Variants in OR9Q1 observed in about 807,000 individuals in gnomAD.
The protein encoded by OR9Q1 is olfactory receptor 9Q1.
For synonymous variants in OR9Q1, 153 were observed against 148.6 expected (o/e 1.03, Z -0.22); for missense variants, 374 against 378.8 (o/e 0.99, Z 0.11).
intron 2 of OR9Q1, among the ~76,000 whole-genome samples, chr11:58,137,567 C>A (rs1854201285): frequency 1.3e-5 from 2 of 152,146 alleles, no homozygotes; most frequent in Admixed American, 1.3e-4. Flanking sequence ...ATATGTAAAG[C>A]CACTAGAAAA....
At chr11:58,145,580 A>T (rs1229318169) in intron 2 of OR9Q1, among the ~76,000 whole-genome samples, 1 of 152,172 alleles carries the variant, frequency 6.6e-6, no homozygotes, top group Admixed American at 6.5e-5. Flanking sequence ...TGGCTTTATG[A>T]TGTAGAGCCA....
intron 2 of OR9Q1, among the ~76,000 whole-genome samples, chr11:58,061,818 T>C (rs1025024755): frequency 6.6e-6 from 1 of 152,238 alleles, no homozygotes; most frequent in Non-Finnish European, 1.5e-5. Context: ...ATGTTAAGCA[T>C]TGAGGTGCCA....
chr11:58,092,772 C>G (rs1362313838), intron 2 of OR9Q1, among the ~76,000 whole-genome samples: 1 of 152,114 alleles, frequency 6.6e-6, no homozygotes, highest in African/African-American at 2.4e-5. Flanking sequence ...TTATTTACCA[C>G]AATTTGTGAC....
At chr11:58,038,405 A>G (rs1184911160) in intron 1 of OR9Q1, among the ~76,000 whole-genome samples, 3 of 152,212 alleles carry the variant, frequency 2.0e-5, no homozygotes, top group East Asian at 1.9e-4. Flanking sequence ...CTTTGGGGAT[A>G]TATCTATTAT....
chr11:58,172,328 T>C (rs1854563395), intron 2 of OR9Q1, among the ~76,000 whole-genome samples: 1 of 152,150 alleles, frequency 6.6e-6, no homozygotes, highest in Admixed American at 6.5e-5. Flanking sequence ...GAAAGTTTTA[T>C]AGCAATCTTA....
chr11:58,056,878 G>A (rs1853333514), intron 2 of OR9Q1, among the ~76,000 whole-genome samples: 1 of 152,020 alleles, frequency 6.6e-6, no homozygotes, highest in Non-Finnish European at 1.5e-5. Context: ...TGTTCCATCA[G>A]TGGGGGCACC....
chr11:58,148,907 A>T (rs1854324518), intron 2 of OR9Q1, among the ~76,000 whole-genome samples: 1 of 152,130 alleles, frequency 6.6e-6, no homozygotes, highest in Non-Finnish European at 1.5e-5. Context: ...GACATTATAC[A>T]ATTCGTCCTT....
At chr11:58,114,017 A>C (rs1853927096) in intron 2 of OR9Q1, among the ~76,000 whole-genome samples, 2 of 152,158 alleles carry the variant, frequency 1.3e-5, no homozygotes, top group Admixed American at 1.3e-4. Context: ...TGCTGCTGTG[A>C]GAATCTGAAA....
intron 2 of OR9Q1, among the ~76,000 whole-genome samples, chr11:58,067,586 G>A (rs1033522693): frequency 2.0e-5 from 3 of 152,244 alleles, no homozygotes; most frequent in South Asian, 2.1e-4. Context: ...CCTGAGGGCA[G>A]TAAGAGGAGG....
intron 2 of OR9Q1, among the ~76,000 whole-genome samples, chr11:58,115,098 T>C (rs181559017): frequency 2.2e-4 from 33 of 152,314 alleles, no homozygotes; most frequent in Non-Finnish European, 4.0e-4. Flanking sequence ...TTGTACAGGA[T>C]ATTTAACTTT....
chr11:58,140,883 G>A (rs1854241392), intron 2 of OR9Q1, among the ~76,000 whole-genome samples: 1 of 152,184 alleles, frequency 6.6e-6, no homozygotes, highest in Admixed American at 6.5e-5. Context: ...TGGGCAGTAT[G>A]GCCATTTTCA....
rs540029586 is a variant in OR9Q1, at chr11:58,093,330, C to A, written c.-15+37383C>A. 2.1e-4 allele frequency among the ~76,000 whole-genome samples: 32 copies of A among 152,098 alleles called. 1 individual carries two copies. Among genetic ancestry groups the A allele is most frequent in the African/African-American group, 7.5e-4 (31 of 41,492 alleles). On this transcript the variant is annotated intron_variant, in intron 2 of 2. Transcript: ENST00000335397. ...AAACAGCTCAACAACAACAAAAATA[C>A]CAAATAATTCCATTAAAAAGTGGGC...
chr11:58,070,749 A>G (rs1853480084), intron 2 of OR9Q1, among the ~76,000 whole-genome samples: 1 of 152,200 alleles, frequency 6.6e-6, no homozygotes, highest in African/African-American at 2.4e-5. Flanking sequence ...AGCTCTAGCC[A>G]TAGATGATTG....
At chr11:58,118,734 A>G in intron 2 of OR9Q1, 1 of 1,614,096 alleles carries the variant, frequency 6.2e-7, no homozygotes, top group Non-Finnish European at 8.5e-7. Context: ...ATGTGGAGAA[A>G]GTCTTGGCCC....
intron 2 of OR9Q1, among the ~76,000 whole-genome samples, chr11:58,131,508 T>C (rs1212272614): frequency 6.6e-6 from 1 of 152,052 alleles, no homozygotes; most frequent in Non-Finnish European, 1.5e-5. Flanking sequence ...TCTTATATAA[T>C]ATTTATAACA....
intron 2 of OR9Q1, among the ~76,000 whole-genome samples, chr11:58,132,688 A>C (rs2119846090): frequency 6.6e-6 from 1 of 152,316 alleles, no homozygotes; most frequent in Non-Finnish European, 1.5e-5. Context: ...CAGAACACAG[A>C]GGTATCTCCC....
chr11:58,064,305 C>T (rs1056456689), intron 2 of OR9Q1, among the ~76,000 whole-genome samples: 11 of 152,230 alleles, frequency 7.2e-5, no homozygotes, highest in African/African-American at 2.7e-4. Flanking sequence ...ATACTCGTCT[C>T]CCGTTTTGTA....
intron 2 of OR9Q1, among the ~76,000 whole-genome samples, chr11:58,140,967 T>C (rs1444393039): frequency 6.6e-5 from 10 of 152,004 alleles, no homozygotes; most frequent in East Asian, 5.8e-4. Flanking sequence ...TTTCATTGAG[T>C]AGTGGTTTGT....
chr11:58,142,291 G>T (rs1854257455), intron 2 of OR9Q1, among the ~76,000 whole-genome samples: 1 of 151,938 alleles, frequency 6.6e-6, no homozygotes, highest in Admixed American at 6.6e-5. Flanking sequence ...CCTTTGTTTT[G>T]TTCCAAGCAA....
Sources: gnomAD v4.1 joint callset for allele counts (sites outside exome capture counted in the v4.1 genomes callset) on GRCh38, gnomAD v4.1.1 for gene constraint, MANE v1.5 for transcripts, NCBI Gene and HGNC (gene_info 2026-07-23, HGNC 2026-07-21) for gene names.